Variants in MDGA2 observed in about 807,000 individuals in gnomAD.
MDGA2 encodes the protein MAM domain-containing glycosylphosphatidylinositol anchor protein 2.
MDGA2 carries 40 observed loss-of-function variants against 117.8 expected under a neutral mutation model. That is an observed-to-expected ratio of 0.34 (90% CI 0.26 to 0.44). The LOEUF (loss-of-function observed/expected upper bound fraction) is 0.44. Ranked by LOEUF, MDGA2 falls within the 20% of genes least tolerant of loss-of-function variation. The probability of loss-of-function intolerance (pLI) is 1.00; values close to 1 mark genes in which losing one functional copy is unlikely to be tolerated. For synonymous variants in MDGA2, 452 were observed against 439.0 expected, an observed-to-expected ratio of 1.03 and a Z score of -0.37; for missense variants, 1,123 against 1,250.6, an observed-to-expected ratio of 0.90 and a Z score of 1.54.
chr14:47,395,884 G>C (rs1407598451), intron 1 of MDGA2, among the ~76,000 whole-genome samples: 1 of 152,120 alleles, frequency 6.6e-6, no homozygotes, highest in East Asian at 1.9e-4. Context: ...TAGAAAGGAA[G>C]TAAAGGACCA....
chr14:46,983,466 A>G (rs1886758143), intron 8 of MDGA2, among the ~76,000 whole-genome samples: 2 of 152,148 alleles, frequency 1.3e-5, no homozygotes, highest in Admixed American at 6.6e-5. Flanking sequence ...GAAATATTCT[A>G]TTAATAAAAT....
At chr14:47,211,675 C>CA (rs1885888733) in intron 3 of MDGA2, among the ~76,000 whole-genome samples, 1 of 152,114 alleles carries the variant, frequency 6.6e-6, no homozygotes, top group African/African-American at 2.4e-5. Context: ...GTTTGTTACA[C>CA]AAACACTCTT....
Position 47,013,772 on chromosome 14 carries a change from GTATA to G in MDGA2, c.1819+21235_1819+21238del, listed in dbSNP as rs71448157. Among the ~76,000 whole-genome samples, 64 of 93,704 alleles carry G rather than the reference GTATA, an allele frequency of 6.8e-4. 9 individuals carry two copies. Among genetic ancestry groups the G allele is most frequent in the East Asian group, 5.5e-3 (10 of 1,828 alleles). The allele number at this position is 93,704 out of a possible 152,430, so 61.5% of individuals were successfully genotyped here. ...TAGGTATGAAAACATTAATTTCCTT[GTATA>G]TATATATATATATATATCTCCTTTT... On this transcript the variant is annotated intron_variant, in intron 8 of 16. Transcript: ENST00000399232.
At chr14:47,194,197 A>T (rs1268246815) in intron 3 of MDGA2, among the ~76,000 whole-genome samples, 2 of 152,194 alleles carry the variant, frequency 1.3e-5, no homozygotes, top group Non-Finnish European at 2.9e-5. Flanking sequence ...ATACTTTGAG[A>T]GACAAGACTG....
At chr14:46,931,853 T>C (rs551129275) in intron 9 of MDGA2, among the ~76,000 whole-genome samples, 1 of 152,282 alleles carries the variant, frequency 6.6e-6, no homozygotes, top group East Asian at 1.9e-4. Flanking sequence ...AGAAATGTAA[T>C]CAATTTAATT....
At chr14:47,491,132 A>T (rs564085764) in intron 1 of MDGA2, among the ~76,000 whole-genome samples, 2 of 152,114 alleles carry the variant, frequency 1.3e-5, no homozygotes, top group Admixed American at 6.6e-5. Flanking sequence ...GTTAAGCAGA[A>T]TTTTTTTTGT....
At chr14:47,016,165 T>C (rs1238026568) in intron 8 of MDGA2, among the ~76,000 whole-genome samples, 2 of 152,120 alleles carry the variant, frequency 1.3e-5, no homozygotes, top group African/African-American at 2.4e-5. Flanking sequence ...CCATCTCTTT[T>C]AGTTGATTCA....
chr14:47,068,973 C>T (rs1890181767), intron 6 of MDGA2, among the ~76,000 whole-genome samples: 1 of 152,258 alleles, frequency 6.6e-6, no homozygotes, highest in Non-Finnish European at 1.5e-5. Context: ...TCCTGAGGTC[C>T]TACATCCAGT....
chr14:47,209,027 G>A (rs891513840), intron 3 of MDGA2, among the ~76,000 whole-genome samples: 1 of 151,852 alleles, frequency 6.6e-6, no homozygotes, highest in African/African-American at 2.4e-5. Flanking sequence ...GAAATTAAAT[G>A]CACACTGATG....
chr14:47,223,471 G>T (rs1431776058), intron 2 of MDGA2, among the ~76,000 whole-genome samples: 1 of 152,124 alleles, frequency 6.6e-6, no homozygotes, highest in African/African-American at 2.4e-5. Context: ...CAGGCAAAAA[G>T]CAGCTGCTAC....
chr14:47,210,239 T>A (rs1885832746), intron 3 of MDGA2, among the ~76,000 whole-genome samples: 2 of 152,178 alleles, frequency 1.3e-5, no homozygotes. Flanking sequence ...CTAAGTGACA[T>A]GAAAGTAGGG....
At chr14:47,613,520 C>T (rs1021682916) in intron 1 of MDGA2, among the ~76,000 whole-genome samples, 13 of 151,830 alleles carry the variant, frequency 8.6e-5, no homozygotes, top group African/African-American at 2.9e-4. Flanking sequence ...CACGCACACC[C>T]ACCAACCATC....
intron 5 of MDGA2, among the ~76,000 whole-genome samples, chr14:47,126,526 A>G (rs1391490222): frequency 6.6e-6 from 1 of 152,120 alleles, no homozygotes; most frequent in Non-Finnish European, 1.5e-5. Flanking sequence ...TACAATTATG[A>G]GTTCCACCAC....
At chr14:47,488,912 A>G (rs1894112692) in intron 1 of MDGA2, among the ~76,000 whole-genome samples, 1 of 152,026 alleles carries the variant, frequency 6.6e-6, no homozygotes. Context: ...TGTTCCTCAT[A>G]TAACAGGTAA....
chr14:47,030,501 T>G (rs1191350049), intron 8 of MDGA2, among the ~76,000 whole-genome samples: 2 of 151,898 alleles, frequency 1.3e-5, no homozygotes, highest in Admixed American at 6.6e-5. Context: ...GCAACAAGAA[T>G]GAAACTCCAT....
At chr14:46,867,724 T>G (rs1480419385) in intron 14 of MDGA2, among the ~76,000 whole-genome samples, 4 of 152,064 alleles carry the variant, frequency 2.6e-5, no homozygotes, top group Admixed American at 2.0e-4. Context: ...TTTGAACAAG[T>G]TTTATATCTT....
rs1594918273 is a variant in MDGA2 at position 47,561,171 on chromosome 14, G to GTTTTTTTTTTTTTTTTTTT, written c.280+113345_280+113346insAAAAAAAAAAAAAAAAAAA. Among the ~76,000 whole-genome samples, 71 of 68,436 alleles carry GTTTTTTTTTTTTTTTTTTT rather than the reference G, an allele frequency of 1.0e-3. 1 individual carries two copies. The highest frequency in any genetic ancestry group is 3.0e-3 in the East Asian group (3 of 1,006). The allele number at this position is 68,436 out of a possible 152,430, so 44.9% of individuals were successfully genotyped here. A position where few individuals can be genotyped will look rare whatever the true frequency, so the allele number is the denominator to read the frequency against. On this transcript the variant is annotated intron_variant, in intron 1 of 16. Coordinates refer to ENST00000399232, the MANE Select transcript of MDGA2 (RefSeq NM_001113498.3). ...TTTTTTTGTTTTGTTTTGTTTTTTT[G>GTTTTTTTTTTTTTTTTTTT]TTTGTTTGTTTTTTTTTGCTTAGGA...
chr14:47,015,083 G>A (rs966052043), intron 8 of MDGA2, among the ~76,000 whole-genome samples: 2 of 152,002 alleles, frequency 1.3e-5, no homozygotes, highest in African/African-American at 2.4e-5. Context: ...ACCCAAGGAG[G>A]AGAGGAAGAA....
intron 6 of MDGA2, among the ~76,000 whole-genome samples, chr14:47,091,380 G>T (rs1245110715): frequency 6.6e-6 from 1 of 152,016 alleles, no homozygotes; most frequent in Non-Finnish European, 1.5e-5. Flanking sequence ...CAATAAGTAA[G>T]GAAATATGGA....
Sources: allele counts gnomAD v4.1 joint callset (sites outside exome capture counted in the v4.1 genomes callset), GRCh38; gene constraint gnomAD v4.1.1; transcripts MANE v1.5; gene names NCBI Gene and HGNC (gene_info 2026-07-23, HGNC 2026-07-21).